Variants in TRAF3 observed in about 807,000 individuals in gnomAD.
TRAF3 encodes TNF receptor-associated factor 3.
In TRAF3, 13 loss-of-function variants were observed where a neutral mutation model predicts 62.3. That is an observed-to-expected ratio of 0.21 (90% CI 0.14 to 0.33). The LOEUF (loss-of-function observed/expected upper bound fraction) is 0.33. Ranked by LOEUF, TRAF3 falls within the 10% of genes least tolerant of loss-of-function variation. TRAF3 has a pLI of 1.00. For missense variants in TRAF3, 440 were observed against 741.8 expected, an observed-to-expected ratio of 0.59 and a Z score of 4.73; for synonymous variants, 269 against 283.4, an observed-to-expected ratio of 0.95 and a Z score of 0.51.
chr14:102,795,695 G>A (rs1475339755), intron 1 of TRAF3, among the ~76,000 whole-genome samples: 1 of 151,924 alleles, frequency 6.6e-6, no homozygotes, highest in Admixed American at 6.6e-5. Context: ...AATGTTGGGT[G>A]TCTTGCCTCC....
At chr14:102,779,431 GCAGTAA>G (rs558168210) in intron 1 of TRAF3, among the ~76,000 whole-genome samples, 36 of 152,202 alleles carry the variant, frequency 2.4e-4, no homozygotes, top group African/African-American at 8.4e-4. Flanking sequence ...CTGGAAACAG[GCAGTAA>G]CAGTGGCCAG....
At chr14:102,809,490 T>G (rs1339369763) in intron 1 of TRAF3, among the ~76,000 whole-genome samples, 1 of 151,796 alleles carries the variant, frequency 6.6e-6, no homozygotes, top group Non-Finnish European at 1.5e-5. Context: ...AAATGAGGAT[T>G]ATTTTTAAGC....
At chr14:102,819,870 G>A (rs1278271683) in intron 1 of TRAF3, among the ~76,000 whole-genome samples, 1 of 152,238 alleles carries the variant, frequency 6.6e-6, no homozygotes, top group Non-Finnish European at 1.5e-5. Context: ...AGGGCATACC[G>A]CCAAGTGAGT....
chr14:102,792,910 C>A (rs540396064), intron 1 of TRAF3, among the ~76,000 whole-genome samples: 1 of 151,228 alleles, frequency 6.6e-6, no homozygotes, highest in Admixed American at 6.6e-5. Flanking sequence ...GGTGCGATCT[C>A]GGGTCACTGC....
intron 1 of TRAF3, among the ~76,000 whole-genome samples, chr14:102,814,528 T>G (rs551506525): frequency 1.2e-4 from 19 of 152,216 alleles, no homozygotes; most frequent in Admixed American, 4.6e-4. Flanking sequence ...GATTTCTTTT[T>G]TTCCCCCCCA....
chr14:102,850,545 A>G (rs549527029), intron 2 of TRAF3, among the ~76,000 whole-genome samples: 1 of 151,966 alleles, frequency 6.6e-6, no homozygotes, highest in East Asian at 1.9e-4. Context: ...AAAAATACAA[A>G]TAGTTGGGCA....
intron 1 of TRAF3, among the ~76,000 whole-genome samples, chr14:102,825,920 TCTCTC>T (rs1336788396): frequency 2.6e-5 from 4 of 152,212 alleles, no homozygotes; most frequent in Admixed American, 1.3e-4. Flanking sequence ...TGCCTTCTCT[TCTCTC>T]CTCATCTCCT....
intron 3 of TRAF3, among the ~76,000 whole-genome samples, chr14:102,870,851 T>C (rs1888299591): frequency 6.6e-6 from 1 of 152,142 alleles, no homozygotes. Context: ...CTTAAAGGAC[T>C]GGACAGGTCC....
intron 3 of TRAF3, among the ~76,000 whole-genome samples, chr14:102,871,242 C>G (rs564102914): frequency 3.7e-4 from 56 of 152,390 alleles, no homozygotes; most frequent in South Asian, 2.1e-3. Context: ...TCACCCTCCC[C>G]CTTCTCCATG....
At chr14:102,830,785 C>T (rs1219068814) in intron 2 of TRAF3, among the ~76,000 whole-genome samples, 1 of 152,144 alleles carries the variant, frequency 6.6e-6, no homozygotes. Flanking sequence ...CTGTGGTATT[C>T]TGTGTTCTTA....
intron 1 of TRAF3, among the ~76,000 whole-genome samples, chr14:102,801,616 C>T (rs562717686): frequency 1.3e-5 from 2 of 152,106 alleles, no homozygotes; most frequent in South Asian, 4.1e-4. Context: ...CTCACTGCAG[C>T]CTCGATTTCC....
chr14:102,790,091 G>T (rs1767407371), intron 1 of TRAF3, among the ~76,000 whole-genome samples: 1 of 152,158 alleles, frequency 6.6e-6, no homozygotes, highest in Non-Finnish European at 1.5e-5. Flanking sequence ...GCCTCCCAAA[G>T]TGTTGGGATT....
intron 2 of TRAF3, among the ~76,000 whole-genome samples, chr14:102,852,997 G>A (rs2139739593): frequency 6.6e-6 from 1 of 152,154 alleles, no homozygotes; most frequent in East Asian, 1.9e-4. Context: ...GGGTTCAAAC[G>A]ATTCTCATAT....
chr14:102,808,513 A>G (rs1200897108), intron 1 of TRAF3, among the ~76,000 whole-genome samples: 1 of 4,022 alleles, frequency 2.5e-4, no homozygotes, highest in Non-Finnish European at 4.5e-4. Flanking sequence ...ACTCCATCTC[A>G]AAAAAAAAAA....
chr14:102,838,881 C>A (rs1449548099), intron 2 of TRAF3, among the ~76,000 whole-genome samples: 1 of 152,124 alleles, frequency 6.6e-6, no homozygotes, highest in African/African-American at 2.4e-5. Flanking sequence ...ATGATAATTA[C>A]CCCCTTAAAT....
intron 1 of TRAF3, among the ~76,000 whole-genome samples, chr14:102,797,310 G>A (rs1566741665): frequency 6.6e-6 from 1 of 152,190 alleles, no homozygotes; most frequent in African/African-American, 2.4e-5. Flanking sequence ...GGTCTGAGAG[G>A]CGTCTTCATA....
intron 1 of TRAF3, 142 bp downstream of exon 1, chr14:102,777,817 C>A (rs1475948485): frequency 6.9e-6 from 1 of 145,552 alleles, no homozygotes; most frequent in Non-Finnish European, 1.5e-5. Context: ...GCAGGCCCGG[C>A]CCGTCCCAGC....
In TRAF3 at chr14:102,818,072, G is replaced by A. The variant is rs1005384232; in HGVS notation, c.-156-12262G>A. 2.0e-5 allele frequency among the ~76,000 whole-genome samples: 3 copies of A among 152,292 alleles called. No homozygotes were observed. In the East Asian group the frequency reaches 5.8e-4, roughly 29 times the overall value. On this transcript the variant is annotated intron_variant, in intron 1 of 11. Transcript: ENST00000392745. ...TTCCCACCCTTTCAGAGATGAGGTG[G>A]TGGAGGCAGGCAGGGCCTACTAGGC...
rs986932944 is a variant in TRAF3 at position 102,856,885 on chromosome 14, A to G, written c.-17-13300A>G. Among the ~76,000 whole-genome samples, 20 of 152,338 alleles carry G rather than the reference A, an allele frequency of 1.3e-4. 1 individual carries two copies. The highest frequency in any genetic ancestry group is 3.9e-4 in the East Asian group (2 of 5,186). On this transcript the variant is annotated intron_variant, in intron 2 of 11. Transcript: ENST00000392745. ...AGAAGAGCTCAGTCAGAAAGCATCA[A>G]TATGGTGAGGGCCATTCATAGCTCT...
Sources: allele counts gnomAD v4.1 joint callset (sites outside exome capture counted in the v4.1 genomes callset), GRCh38; gene constraint gnomAD v4.1.1; transcripts MANE v1.5; gene names NCBI Gene and HGNC (gene_info 2026-07-23, HGNC 2026-07-21).